Variants in IL1RAPL1 observed in about 807,000 individuals in gnomAD.
The protein encoded by IL1RAPL1 is interleukin 1 receptor accessory protein like 1.
Under a neutral mutation model 48.4 loss-of-function variants are expected in IL1RAPL1, and 3 were observed. The ratio of observed to expected loss-of-function variants is 0.06; its 90% CI spans 0.03 to 0.16. IL1RAPL1 has a LOEUF of 0.16. IL1RAPL1 is among the 10% of genes least tolerant of loss of function. IL1RAPL1 has a pLI of 1.00. For missense variants in IL1RAPL1, 349 were observed against 530.6 expected, an observed-to-expected ratio of 0.66 and a Z score of 3.36; for synonymous variants, 185 against 187.7, an observed-to-expected ratio of 0.99 and a Z score of 0.12.
At chrX:29,267,813 A>G (rs746808869) in intron 2 of IL1RAPL1, among the ~76,000 whole-genome samples, 2 of 111,756 alleles carry the variant, frequency 1.8e-5, no homozygotes, top group East Asian at 2.8e-4. Flanking sequence ...AAGAATTTAT[A>G]TTTCCACAAT....
intron 2 of IL1RAPL1, among the ~76,000 whole-genome samples, chrX:28,908,768 C>A (rs951896375): frequency 8.9e-5 from 10 of 111,787 alleles, no homozygotes; most frequent in East Asian, 2.8e-4. Flanking sequence ...CTTGATCTAT[C>A]AGTTACTGAA....
intron 2 of IL1RAPL1, among the ~76,000 whole-genome samples, chrX:28,899,739 G>T (rs1226674424): frequency 9.0e-6 from 1 of 111,484 alleles, no homozygotes; most frequent in Non-Finnish European, 1.9e-5. Flanking sequence ...GCTCTTAGGT[G>T]TTCAGTTCTT....
At chrX:29,300,741 G>A (rs1309077313) in intron 3 of IL1RAPL1, among the ~76,000 whole-genome samples, 1 of 111,983 alleles carries the variant, frequency 8.9e-6, no homozygotes, top group Non-Finnish European at 1.9e-5. Flanking sequence ...TTTCTAAAGT[G>A]GCGTTTCCAA....
intron 2 of IL1RAPL1, among the ~76,000 whole-genome samples, chrX:28,972,069 G>A (rs988243939): frequency 6.3e-5 from 7 of 110,335 alleles, no homozygotes; most frequent in African/African-American, 2.3e-4. Context: ...GCCTACTGCC[G>A]GAAACTTATT....
intron 5 of IL1RAPL1, among the ~76,000 whole-genome samples, chrX:29,663,998 T>G (rs745458571): frequency 2.9e-4 from 33 of 112,335 alleles, no homozygotes; most frequent in Admixed American, 5.7e-4. Context: ...CTAAGAGATG[T>G]TAAGTAATTT....
intron 2 of IL1RAPL1, among the ~76,000 whole-genome samples, chrX:28,846,809 T>G (rs1323342444): frequency 8.9e-6 from 1 of 112,020 alleles, no homozygotes; most frequent in Admixed American, 9.5e-5. Context: ...ATGGAATGCT[T>G]CTTGTCATGA....
chrX:28,971,405 G>A (rs1201407530), intron 2 of IL1RAPL1, among the ~76,000 whole-genome samples: 1 of 112,175 alleles, frequency 8.9e-6, no homozygotes, highest in African/African-American at 3.2e-5. Flanking sequence ...GTTCCTTGGA[G>A]TCAAAGGGAG....
intron 6 of IL1RAPL1, among the ~76,000 whole-genome samples, chrX:29,866,221 G>A (rs1344447): frequency 0.067 from 7,437 of 110,872 alleles, 233 homozygotes; most frequent in African/African-American, 0.12. Context: ...TACCTAATAC[G>A]TCATTCATTC....
chrX:29,407,611 T>C (rs1225638889), intron 5 of IL1RAPL1, among the ~76,000 whole-genome samples: 1 of 109,046 alleles, frequency 9.2e-6, no homozygotes, highest in Non-Finnish European at 1.9e-5. Context: ...CACAAACACT[T>C]ACATATTTCC....
chrX:28,760,911 C>G (rs1936163189), intron 1 of IL1RAPL1, among the ~76,000 whole-genome samples: 1 of 109,246 alleles, frequency 9.2e-6, no homozygotes, highest in South Asian at 4.0e-4. Context: ...TATGGTGAAA[C>G]CCCATCTCTA....
rs1383980817 is a variant in IL1RAPL1, at chrX:28,587,556, A to T, written c.-516A>T. On this transcript the variant is annotated 5_prime_UTR_variant, in exon 1 of 11. Coordinates refer to ENST00000378993, the MANE Select transcript of IL1RAPL1 (RefSeq NM_014271.4). ...GATCTGGAAATTTTACTTGGGGACC[A>T]GGAGGATTTGAAAGGCTGCATGTAC... 9.0e-6 allele frequency: 1 copy of T among 110,894 alleles called. No individual in the cohort carries two copies. Among genetic ancestry groups the T allele is most frequent in the Non-Finnish European group, 1.9e-5 (1 of 53,018 alleles). The allele number at this position is 110,894 out of a possible 1,213,427, so 9.1% of individuals were successfully genotyped here.
chrX:29,347,286 A>G (rs2147650052), intron 3 of IL1RAPL1, among the ~76,000 whole-genome samples: 1 of 111,596 alleles, frequency 9.0e-6, no homozygotes, highest in South Asian at 3.8e-4. Flanking sequence ...CAAAACTAGC[A>G]TGCATTTCTT....
At chrX:29,469,086 CAAAA>C (rs1934894347) in intron 5 of IL1RAPL1, among the ~76,000 whole-genome samples, 1 of 111,954 alleles carries the variant, frequency 8.9e-6, no homozygotes, top group Non-Finnish European at 1.9e-5. Context: ...GTGGTGGGAG[CAAAA>C]GAATTCTCTT....
intron 6 of IL1RAPL1, among the ~76,000 whole-genome samples, chrX:29,807,226 G>A (rs992980013): frequency 3.7e-5 from 4 of 109,192 alleles, no homozygotes; most frequent in Non-Finnish European, 7.6e-5. Context: ...GTAATCTAGA[G>A]AGTTTATATT....
chrX:29,839,819 G>C (rs1416940061), intron 6 of IL1RAPL1, among the ~76,000 whole-genome samples: 1 of 111,865 alleles, frequency 8.9e-6, no homozygotes, highest in Non-Finnish European at 1.9e-5. Context: ...TACTCAGGGG[G>C]CTGAGGCAGG....
At chrX:29,832,705 G>GTT (rs67136004) in intron 6 of IL1RAPL1, among the ~76,000 whole-genome samples, 5,271 of 84,951 alleles carry the variant, frequency 0.062, 379 homozygotes, top group East Asian at 0.3. Flanking sequence ...TTTTGTTTTT[G>GTT]TTTTTTTTTT....
chrX:29,390,184 A>G (rs1391010785), intron 3 of IL1RAPL1, among the ~76,000 whole-genome samples: 1 of 112,106 alleles, frequency 8.9e-6, no homozygotes, highest in Non-Finnish European at 1.9e-5. Context: ...TATGTTTACA[A>G]CTAATGATTA....
chrX:29,854,669 A>G (rs761258357), intron 6 of IL1RAPL1, among the ~76,000 whole-genome samples: 1 of 111,397 alleles, frequency 9.0e-6, no homozygotes, highest in Non-Finnish European at 1.9e-5. Context: ...TCTCTTATTC[A>G]ATGGAAATAT....
chrX:29,032,115 C>A (rs1034808489), intron 2 of IL1RAPL1, among the ~76,000 whole-genome samples: 2 of 111,579 alleles, frequency 1.8e-5, no homozygotes, highest in South Asian at 7.5e-4. Flanking sequence ...CTCATCATAT[C>A]ATGTACTTTT....
Sources: gnomAD v4.1 joint callset for allele counts (sites outside exome capture counted in the v4.1 genomes callset) on GRCh38, gnomAD v4.1.1 for gene constraint, MANE v1.5 for transcripts, NCBI Gene and HGNC (gene_info 2026-07-23, HGNC 2026-07-21) for gene names.